Variants in TSHZ2 observed in about 807,000 individuals in gnomAD.
The protein encoded by TSHZ2 is teashirt zinc finger homeobox 2.
Under a neutral mutation model 74.4 loss-of-function variants are expected in TSHZ2, and 21 were observed. The ratio of observed to expected loss-of-function variants is 0.28; its 90% CI spans 0.20 to 0.41. The LOEUF is 0.41. Among genes scored for constraint, TSHZ2 ranks in the 10% least tolerant of loss-of-function variants. The pLI is 1.00. For synonymous variants in TSHZ2, 540 were observed against 515.3 expected, an observed-to-expected ratio of 1.05 and a Z score of -0.65; for missense variants, 1,244 against 1,293.5, an observed-to-expected ratio of 0.96 and a Z score of 0.59.
At chr20:53,286,521 T>C (rs1183167901) in intron 2 of TSHZ2, among the ~76,000 whole-genome samples, 1 of 152,058 alleles carries the variant, frequency 6.6e-6, no homozygotes, top group Non-Finnish European at 1.5e-5. Context: ...TTTTTTTTGG[T>C]CTTAGGGCAG....
intron 1 of TSHZ2, among the ~76,000 whole-genome samples, chr20:53,078,078 C>T (rs1176122393): frequency 1.3e-5 from 2 of 152,146 alleles, no homozygotes; most frequent in Non-Finnish European, 2.9e-5. Flanking sequence ...GTGAATCTAT[C>T]GGAAAGGAGG....
intron 2 of TSHZ2, among the ~76,000 whole-genome samples, chr20:53,312,127 A>C (rs972517455): frequency 3.9e-5 from 6 of 152,216 alleles, no homozygotes; most frequent in Non-Finnish European, 8.8e-5. Context: ...GTAATGATGC[A>C]ACTGCACTCA....
intron 1 of TSHZ2, among the ~76,000 whole-genome samples, chr20:53,212,632 ATTGGGTCTTCT>A: frequency 6.6e-6 from 1 of 152,318 alleles, no homozygotes; most frequent in Middle Eastern, 3.4e-3. Context: ...GAGGGACTTC[ATTGGGTCTTCT>A]AACTGAATAG....
intron 1 of TSHZ2, among the ~76,000 whole-genome samples, chr20:53,220,520 T>C (rs1989528935): frequency 6.6e-6 from 1 of 152,218 alleles, no homozygotes; most frequent in South Asian, 2.1e-4. Context: ...CCAACCTATT[T>C]TTATGGACAC....
chr20:53,200,023 G>A (rs985929017), intron 1 of TSHZ2, among the ~76,000 whole-genome samples: 1 of 152,214 alleles, frequency 6.6e-6, no homozygotes, highest in Admixed American at 6.5e-5. Flanking sequence ...TAGTTTATCA[G>A]ATGAGGGTAG....
chr20:53,479,354 G>A (rs369788170), intron 2 of TSHZ2, among the ~76,000 whole-genome samples: 1 of 152,104 alleles, frequency 6.6e-6, no homozygotes, highest in Non-Finnish European at 1.5e-5. Flanking sequence ...CAGTACTGCT[G>A]TTATATGGAC....
intron 1 of TSHZ2, among the ~76,000 whole-genome samples, chr20:53,026,590 C>T (rs6126728): frequency 0.71 from 107,619 of 151,992 alleles, 39,153 homozygotes; most frequent in East Asian, 0.96. Context: ...CATACATCCA[C>T]AAAAAGATGT....
At chr20:53,409,488 T>C (rs531029062) in intron 2 of TSHZ2, among the ~76,000 whole-genome samples, 1 of 152,088 alleles carries the variant, frequency 6.6e-6, no homozygotes, top group Non-Finnish European at 1.5e-5. Flanking sequence ...CTTTGTTTAA[T>C]GATTCATCAC....
chr20:53,092,617 A>T (rs1270035741), intron 1 of TSHZ2, among the ~76,000 whole-genome samples: 1 of 152,172 alleles, frequency 6.6e-6, no homozygotes. Context: ...TTTCTCTCCC[A>T]GTTGTAATTT....
At chr20:53,452,117 C>G (rs1463307445) in intron 2 of TSHZ2, among the ~76,000 whole-genome samples, 60 of 152,206 alleles carry the variant, frequency 3.9e-4, no homozygotes, top group Admixed American at 3.9e-3. Context: ...ATGAAGGGGA[C>G]AGGAGCAGCT....
chr20:53,274,288 G>A lies in TSHZ2; in HGVS notation c.*8+17717G>A, dbSNP rs530877840. Among the ~76,000 whole-genome samples, 10 of 152,232 alleles carry A rather than the reference G, an allele frequency of 6.6e-5. No individual in the cohort carries two copies. The East Asian group carries it at 9.7e-4, about 15-fold the overall frequency. On this transcript the variant is annotated intron_variant, in intron 2 of 2. Transcript: ENST00000371497. ...CATCTCAAAATAAATAAATAAATAAGTAAACCACTATTTTCATGCTTCTCC... is the reference window on the plus strand; with the variant it reads ...CATCTCAAAATAAATAAATAAATAAATAAACCACTATTTTCATGCTTCTCC...
At chr20:53,057,146 T>C (rs1297863252) in intron 1 of TSHZ2, among the ~76,000 whole-genome samples, 2 of 152,224 alleles carry the variant, frequency 1.3e-5, no homozygotes, top group Admixed American at 6.5e-5. Context: ...TCCACCATGA[T>C]TGTGGGGCCT....
At chr20:53,465,548 G>T (rs1054684719) in intron 2 of TSHZ2, among the ~76,000 whole-genome samples, 7 of 152,134 alleles carry the variant, frequency 4.6e-5, no homozygotes, top group South Asian at 2.1e-4. Context: ...TAGGATTGTA[G>T]GCATGAGACA....
At chr20:52,975,252 T>C (rs1298235515) in intron 1 of TSHZ2, among the ~76,000 whole-genome samples, 2 of 145,082 alleles carry the variant, frequency 1.4e-5, no homozygotes, top group Non-Finnish European at 3.1e-5. Flanking sequence ...AAAATTACTC[T>C]TTTTTTTTTT....
chr20:53,444,294 A>G (rs1235397291), intron 2 of TSHZ2, among the ~76,000 whole-genome samples: 8 of 152,104 alleles, frequency 5.3e-5, no homozygotes, highest in Non-Finnish European at 2.9e-5. Flanking sequence ...CTGCCAGACA[A>G]TGCTCTCCCT....
chr20:53,390,934 G>A (rs1215900284), intron 2 of TSHZ2, among the ~76,000 whole-genome samples: 2 of 152,126 alleles, frequency 1.3e-5, no homozygotes, highest in Non-Finnish European at 2.9e-5. Context: ...AGCTTTGCTA[G>A]CCATACAGCT....
At chr20:52,998,349 A>G (rs1982285178) in intron 1 of TSHZ2, among the ~76,000 whole-genome samples, 1 of 152,130 alleles carries the variant, frequency 6.6e-6, no homozygotes, top group Admixed American at 6.5e-5. Flanking sequence ...TTGTATTTTC[A>G]GTAGAGACCG....
chr20:53,015,760 G>A (rs188027516), intron 1 of TSHZ2, among the ~76,000 whole-genome samples: 74 of 152,226 alleles, frequency 4.9e-4, no homozygotes, highest in African/African-American at 1.4e-3. Flanking sequence ...AAATGATGCC[G>A]TTAACTCACC....
At chr20:53,040,038 G>A (rs930916749) in intron 1 of TSHZ2, among the ~76,000 whole-genome samples, 6 of 152,042 alleles carry the variant, frequency 3.9e-5, no homozygotes, top group African/African-American at 9.7e-5. Flanking sequence ...CCCAGGAGGC[G>A]GAGGCTGCAG....
Sources: gnomAD v4.1 joint callset for allele counts (sites outside exome capture counted in the v4.1 genomes callset) on GRCh38, gnomAD v4.1.1 for gene constraint, MANE v1.5 for transcripts, NCBI Gene and HGNC (gene_info 2026-07-23, HGNC 2026-07-21) for gene names.